Variants in SIX3 observed in about 807,000 individuals in gnomAD.
SIX3 encodes SIX homeobox 3, also known as homeobox protein SIX3.
In SIX3, 2 loss-of-function variants were observed where a neutral mutation model predicts 21.7. The observed-to-expected ratio is 0.09, with a 90% CI of 0.04 to 0.29. The LOEUF is 0.29. Among genes scored for constraint, SIX3 ranks in the 10% least tolerant of loss-of-function variants. The pLI is 1.00. For synonymous variants in SIX3, 243 were observed against 220.6 expected (o/e 1.10, Z -0.90); for missense variants, 347 against 480.7 (o/e 0.72, Z 2.60).
In SIX3 at chr2:44,942,649, G is replaced by A; in HGVS notation, c.545G>A (p.Gly182Asp). Residue 182 changes from glycine (G) to aspartate (D), a missense_variant, in exon 1 of 2, where the codon GGC becomes GAC. Physicochemically the swap from Gly to Asp is moderately conservative, Grantham distance 94. Transcript: ENST00000260653. This position sits in a 1 kb window ranked among gnomAD's most constrained non-coding sequence, Gnocchi z 8.4. The stretch of plus-strand genomic sequence containing the variant: ...TACCAGGAGGCCGAGAAGCTGCGCG[G>A]CCGCCCACTCGGCCCGGTGGACAAG... The part of the protein sequence containing the change: ...AHYQEAEKLR[G>D]RPLGPVDKYR... The A allele has an allele frequency of 3.1e-6, 5 of 1,597,574 alleles. No individual in the cohort carries two copies. The highest frequency in any genetic ancestry group is 4.2e-6 in the Non-Finnish European group (5 of 1,178,874).
chr2:44,944,844 T>G lies in SIX3; in HGVS notation c.*84T>G. 8.1e-7 allele frequency: 1 copy of G among 1,239,340 alleles called. No homozygotes were observed. The allele number at this position is 1,239,340 out of a possible 1,614,324, so 76.8% of individuals were successfully genotyped here. A position where few individuals can be genotyped will look rare whatever the true frequency, so the allele number is the denominator to read the frequency against. ...CTCCTAGCCCTCCTCCTCTTCCTCC[T>G]CTTCCTTCTCCTCCTCCATCCCCAG... On this transcript the variant is annotated 3_prime_UTR_variant, in exon 2 of 2. Coordinates refer to ENST00000260653, the MANE Select transcript of SIX3 (RefSeq NM_005413.4).
intron 1 of SIX3, among the ~76,000 whole-genome samples, chr2:44,944,047 G>A (rs1318513248): frequency 1.3e-5 from 2 of 152,254 alleles, no homozygotes; most frequent in Admixed American, 6.5e-5. Flanking sequence ...AGGGCAGCTG[G>A]AGACTGCTCT....
chr2:44,944,328 G>A (rs1420678356), intron 1 of SIX3, among the ~76,000 whole-genome samples: 6 of 152,220 alleles, frequency 3.9e-5, no homozygotes, highest in Admixed American at 3.9e-4. Flanking sequence ...CCCAGGGACT[G>A]CGGAGGGAAG....
At position 44,941,937 on chromosome 2, in the gene SIX3, G is replaced by A; in HGVS notation, c.-168G>A. On this transcript the variant is annotated 5_prime_UTR_variant, in exon 1 of 2. Coordinates refer to ENST00000260653, the MANE Select transcript of SIX3 (RefSeq NM_005413.4). ...GTGTGGATGTGTGTGGGGTGTGGGT[G>A]TCCCTTACGCCCTTCCTCCTCTCCC... 1.6e-6 allele frequency: 1 copy of A among 614,714 alleles called. No homozygotes were observed. The allele number at this position is 614,714 out of a possible 1,614,324, so 38.1% of individuals were successfully genotyped here. A position where few individuals can be genotyped will look rare whatever the true frequency, so the allele number is the denominator to read the frequency against.
Position 44,942,208 on chromosome 2 carries a change from G to A in SIX3, c.104G>A (p.Gly35Glu). The A allele has an allele frequency of 5.0e-6, 8 of 1,594,980 alleles. No individual in the cohort carries two copies. The highest frequency in any genetic ancestry group is 6.8e-6 in the Non-Finnish European group (8 of 1,177,550). Residue 35 changes from glycine (G) to glutamate (E), a missense_variant, in exon 1 of 2, where the codon GGG (glycine) becomes GAG (glutamate). Transcript: ENST00000260653. This position sits in a 1 kb window ranked among gnomAD's most constrained non-coding sequence, Gnocchi z 8.4. The stretch of plus-strand genomic sequence containing the variant: ...ATACTTCTGGCGAGTAGCGGCGGCG[G>A]GAACGGTGCGGGAGGCGGCGGCGGC... The part of the protein sequence containing the change: ...RSILLASSGG[G>E]NGAGGGGGAG...
Position 44,942,178 on chromosome 2 carries a change from G to C in SIX3, c.74G>C (p.Arg25Pro). 1 of 1,597,714 alleles carries C rather than the reference G, an allele frequency of 6.3e-7. No individual in the cohort carries two copies. Among genetic ancestry groups the C allele is most frequent in the Non-Finnish European group, 8.5e-7 (1 of 1,179,136 alleles). The stretch of plus-strand genomic sequence containing the variant: ...CCAAACTTCGCCGATTCTCACCACC[G>C]CTCCATACTTCTGGCGAGTAGCGGC... ...LLPNFADSHH[R>P]SILLASSGGG... Residue 25 changes from arginine (R) to proline (P), a missense_variant, in exon 1 of 2, where the codon CGC (arginine) becomes CCC (proline). Coordinates refer to ENST00000260653, the MANE Select transcript of SIX3 (RefSeq NM_005413.4). The surrounding 1 kb of genome is among the most constrained non-coding windows in gnomAD (Gnocchi z 8.4).
chr2:44,942,987 G>GA lies in SIX3; in HGVS notation c.806+78dup. The stretch of plus-strand genomic sequence containing the variant: ...GAGAGGGGTTGAGATGGGGCTAGCG[G>GA]AGCGGCCGCTGAGAGCCAGGGAAGC... On this transcript the variant is annotated intron_variant, in intron 1 of 1. Transcript: ENST00000260653. This position sits in a 1 kb window ranked among gnomAD's most constrained non-coding sequence, Gnocchi z 8.4. 1 of 1,503,562 alleles carries GA rather than the reference G, an allele frequency of 6.7e-7. No homozygotes were observed. The highest frequency in any genetic ancestry group is 8.8e-7 in the Non-Finnish European group (1 of 1,133,900). 93.1% of individuals were successfully genotyped at this position (1,503,562 alleles called of 1,614,324 possible).
rs1229623590 is a variant in SIX3 at position 44,942,962 on chromosome 2, G to GA, written c.806+53dup. 1 of 1,561,446 alleles carries GA rather than the reference G, an allele frequency of 6.4e-7. No individual in the cohort carries two copies. The highest frequency in any genetic ancestry group is 8.6e-7 in the Non-Finnish European group (1 of 1,161,414). The stretch of plus-strand genomic sequence containing the variant: ...TACAGCCTCAGAGGCCTGGGAAGGG[G>GA]AGAGGGGTTGAGATGGGGCTAGCGG... On this transcript the variant is annotated intron_variant, in intron 1 of 1. Transcript: ENST00000260653. The surrounding 1 kb of genome is among the most constrained non-coding windows in gnomAD (Gnocchi z 8.4).
rs1447494449 is a variant in SIX3, at chr2:44,944,863, T to C, written c.*103T>C. On this transcript the variant is annotated 3_prime_UTR_variant, in exon 2 of 2. Coordinates refer to ENST00000260653, the MANE Select transcript of SIX3 (RefSeq NM_005413.4). ...TCCTCCTCTTCCTTCTCCTCCTCCA[T>C]CCCCAGAACAAACCGAAATCAGGAT... The C allele has an allele frequency of 5.4e-5, 60 of 1,112,412 alleles. No individual in the cohort carries two copies. Among genetic ancestry groups the C allele is most frequent in the Non-Finnish European group, 7.3e-5 (56 of 768,702 alleles). The allele number at this position is 1,112,412 out of a possible 1,614,324, so 68.9% of individuals were successfully genotyped here. A position where few individuals can be genotyped will look rare whatever the true frequency, so the allele number is the denominator to read the frequency against.
chr2:44,942,686 C>G lies in SIX3; in HGVS notation c.582C>G (p.Arg194=). The change falls in exon 1 of 2, where the codon CGC becomes CGG. Residue 194 remains arginine (R), a synonymous_variant. Coordinates refer to ENST00000260653, the MANE Select transcript of SIX3 (RefSeq NM_005413.4). The surrounding 1 kb of genome is among the most constrained non-coding windows in gnomAD (Gnocchi z 8.4). ...GCCCGGTGGACAAGTACCGCGTGCG[C>G]AAGAAGTTCCCGCTGCCACGCACCA... ...PLGPVDKYRV[R]KKFPLPRTIW... The G allele has an allele frequency of 6.2e-7, 1 of 1,601,768 alleles. No homozygotes were observed.
intron 1 of SIX3, among the ~76,000 whole-genome samples, chr2:44,944,286 G>A (rs532197834): frequency 6.6e-6 from 1 of 152,348 alleles, no homozygotes; most frequent in Non-Finnish European, 1.5e-5. Context: ...GAACTCGACC[G>A]GTCGCGGGGC....
intron 1 of SIX3, among the ~76,000 whole-genome samples, chr2:44,944,237 C>G (rs1572625123): frequency 6.6e-6 from 1 of 152,186 alleles, no homozygotes; most frequent in Admixed American, 6.5e-5. Flanking sequence ...CCGCAGCTCC[C>G]GGTGTGTGTT....
rs1162431630 is a variant in SIX3 at position 44,945,788 on chromosome 2, C to G, written c.*1028C>G. ...TCTGTCTTTCTCCCCGCTCAACTGT[C>G]TCTTTTCTTTTTGGGGTTCTCCTCC... On this transcript the variant is annotated 3_prime_UTR_variant, in exon 2 of 2. Coordinates refer to ENST00000260653, the MANE Select transcript of SIX3 (RefSeq NM_005413.4). The G allele has an allele frequency of 6.6e-6, 1 of 152,212 alleles. No individual in the cohort carries two copies. Among genetic ancestry groups the G allele is most frequent in the Non-Finnish European group, 1.5e-5 (1 of 68,048 alleles). 9.4% of individuals were successfully genotyped at this position (152,212 alleles called of 1,614,324 possible). A position where few individuals can be genotyped will look rare whatever the true frequency, so the allele number is the denominator to read the frequency against.
chr2:44,942,717 G>C lies in SIX3; in HGVS notation c.613G>C (p.Asp205His), dbSNP rs886044000. The change falls in exon 1 of 2, where the codon GAC becomes CAC. Residue 205 changes from aspartate to histidine, a missense_variant. Around this residue, in one of 4 missense-constraint regions of SIX3, gnomAD observed 117 missense variants for 205.9 expected, o/e 0.57. Transcript: ENST00000260653. This position sits in a 1 kb window ranked among gnomAD's most constrained non-coding sequence, Gnocchi z 8.4. ...KKFPLPRTIW[D>H]GEQKTHCFKE... ...GTTCCCGCTGCCACGCACCATCTGG[G>C]ACGGCGAGCAGAAGACGCATTGCTT... is the stretch of plus-strand genomic sequence containing the variant. 6.2e-7 allele frequency: 1 copy of C among 1,602,390 alleles called. No homozygotes were observed. The highest frequency in any genetic ancestry group is 8.5e-7 in the Non-Finnish European group (1 of 1,179,834).
rs2103645634 is a variant in SIX3, at chr2:44,944,710, G to A, written c.949G>A (p.Gly317Ser). ...CAGCCTGACGGAGCGCGCAGACACC[G>A]GCACCTCCATCCTCTCGGTAACCTC... is the stretch of plus-strand genomic sequence containing the variant. ...VSSLTERADT[G>S]TSILSVTSSD... is the part of the protein sequence containing the mutation. Residue 317 changes from glycine to serine, a missense_variant, in exon 2 of 2, where the codon GGC becomes AGC. By Grantham distance (56) the Gly-to-Ser change is moderately conservative. Around this residue, in one of 4 missense-constraint regions of SIX3, gnomAD observed 110 missense variants for 93.3 expected, o/e 1.18. Transcript: ENST00000260653. 1 of 1,588,570 alleles carries A rather than the reference G, an allele frequency of 6.3e-7. No homozygotes were observed. Among genetic ancestry groups the A allele is most frequent in the East Asian group, 2.3e-5 (1 of 44,086 alleles).
intron 1 of SIX3, among the ~76,000 whole-genome samples, chr2:44,944,217 G>A (rs887423818): frequency 6.6e-6 from 1 of 152,230 alleles, no homozygotes. Context: ...CTGGCCGGGC[G>A]GTGGGGAACC....
chr2:44,942,297 G>A lies in SIX3; in HGVS notation c.193G>A (p.Gly65Ser). The change falls in exon 1 of 2, where the codon GGC (glycine) becomes AGC (serine). Residue 65 changes from glycine to serine, a missense_variant. Physicochemically the swap from Gly to Ser is moderately conservative, Grantham distance 56. Around this residue, in one of 4 missense-constraint regions of SIX3, gnomAD observed 105 missense variants for 116.1 expected, o/e 0.90. Coordinates refer to ENST00000260653, the MANE Select transcript of SIX3 (RefSeq NM_005413.4). The surrounding 1 kb of genome is among the most constrained non-coding windows in gnomAD (Gnocchi z 8.4). ...GGGGAGGAGGGGGGGSRAPPE... is the reference protein window; with the variant it reads ...GGGGAGGAGGSGGGGSRAPPE... ...CGGCGGTGCTGGCGGAGCAGGCGGCGGCGGCGGCGGCGGCTCCAGGGCCCC... is the reference window on the plus strand; with the variant it reads ...CGGCGGTGCTGGCGGAGCAGGCGGCAGCGGCGGCGGCGGCTCCAGGGCCCC... The A allele has an allele frequency of 6.4e-7, 1 of 1,570,062 alleles. No individual in the cohort carries two copies. Among genetic ancestry groups the A allele is most frequent in the Admixed American group, 1.8e-5 (1 of 56,714 alleles).
Position 44,942,303 on chromosome 2 carries a change from G to T in SIX3, c.199G>T (p.Gly67Cys). 1 of 1,577,442 alleles carries T rather than the reference G, an allele frequency of 6.3e-7. No homozygotes were observed. The highest frequency in any genetic ancestry group is 1.1e-5 in the South Asian group (1 of 89,360). Reference sequence around the variant, plus strand: ...TGCTGGCGGAGCAGGCGGCGGCGGCGGCGGCGGCTCCAGGGCCCCCCCGGA... The same window carrying T: ...TGCTGGCGGAGCAGGCGGCGGCGGCTGCGGCGGCTCCAGGGCCCCCCCGGA... ...GGAGGAGGGG[G>C]GGSRAPPEEL... is the part of the protein sequence containing the mutation. Residue 67 changes from glycine to cysteine, a missense_variant, in exon 1 of 2, where the codon GGC becomes TGC. This residue lies in a region of SIX3 where 105 missense variants were observed against 116.1 expected (regional missense o/e 0.90). Transcript: ENST00000260653. This position sits in a 1 kb window ranked among gnomAD's most constrained non-coding sequence, Gnocchi z 8.4.
At position 44,945,728 on chromosome 2, in the gene SIX3, C is replaced by A. The variant is rs1032712744; in HGVS notation, c.*968C>A. ...TTGCCTGTATATGATATTGCTTTTT[C>A]TCCTCTCCCTTTCTCTTTCTCTCCT... On this transcript the variant is annotated 3_prime_UTR_variant, in exon 2 of 2. Coordinates refer to ENST00000260653, the MANE Select transcript of SIX3 (RefSeq NM_005413.4). 1 of 151,938 alleles carries A rather than the reference C, an allele frequency of 6.6e-6. No individual in the cohort carries two copies. The highest frequency in any genetic ancestry group is 6.6e-5 in the Admixed American group (1 of 15,258). The allele number at this position is 151,938 out of a possible 1,614,324, so 9.4% of individuals were successfully genotyped here.
Sources: allele counts gnomAD v4.1 joint callset (sites outside exome capture counted in the v4.1 genomes callset), GRCh38; gene constraint gnomAD v4.1.1; regional missense constraint gnomAD v4.1.1; non-coding constraint Gnocchi (gnomAD v3.1); transcripts MANE v1.5; gene names NCBI Gene and HGNC (gene_info 2026-07-23, HGNC 2026-07-21).